GGT5: variants seen among roughly 807,000 people sequenced by gnomAD.
The protein encoded by GGT5 is glutathione hydrolase 5 proenzyme.
Under a neutral mutation model 58.1 loss-of-function variants are expected in GGT5, and 50 were observed. That is an observed-to-expected ratio of 0.86 (90% CI 0.69 to 1.09). GGT5 has a LOEUF of 1.09. GGT5 is among the 50% of genes least tolerant of loss of function. The pLI, the probability that GGT5 is intolerant of heterozygous loss-of-function variation, is 0.00. For missense variants in GGT5, 800 were observed against 789.4 expected (o/e 1.01, Z -0.16); for synonymous variants, 370 against 346.1 (o/e 1.07, Z -0.77).
chr22:24,224,095 G>A (rs1433925379), intron 11 of GGT5, among the ~76,000 whole-genome samples: 3 of 151,914 alleles, frequency 2.0e-5, no homozygotes, highest in Non-Finnish European at 4.4e-5. Context: ...CCTAACAAAG[G>A]GCATCCATCA....
chr22:24,244,317 C>CCA (rs1057246272), intron 1 of GGT5: 57 of 340,608 alleles, frequency 1.7e-4, no homozygotes, highest in Middle Eastern at 8.3e-4. Context: ...ACACACACAC[C>CCA]CACCCACACA....
Position 24,232,168 on chromosome 22 carries a change from C to T in GGT5, c.637G>A (p.Asp213Asn), listed in dbSNP as rs2148915088. The change falls in exon 5 of 12, where the codon GAC (aspartate) becomes AAC (asparagine). Residue 213 changes from aspartate (D) to asparagine (N), a missense_variant. By Grantham distance (23) the Asp-to-Asn change is conservative (BLOSUM62 1). Coordinates refer to ENST00000327365, the MANE Select transcript of GGT5 (RefSeq NM_004121.5). ...GCCAGTGCAGGCCATGGGAGTGGGT[C>T]CTGAGGCCTCAGGGGTTCTGTCCCG... ...FNGTEPLRPQ[D>N]PLPWPALATT... 6.3e-7 allele frequency: 1 copy of T among 1,579,360 alleles called. No homozygotes were observed. Among genetic ancestry groups the T allele is most frequent in the Non-Finnish European group, 8.6e-7 (1 of 1,161,188 alleles).
intron 1 of GGT5, chr22:24,244,317 C>A (rs80147431): frequency 0.023 from 7,809 of 335,788 alleles, 51 homozygotes; most frequent in Non-Finnish European, 0.026. Flanking sequence ...ACACACACAC[C>A]CACCCACACA....
Position 24,226,153 on chromosome 22 carries a change from G to C in GGT5, c.1152C>G (p.His384Gln). The C allele has an allele frequency of 1.2e-6, 2 of 1,611,144 alleles. No homozygotes were observed. Among genetic ancestry groups the C allele is most frequent in the South Asian group, 2.2e-5 (2 of 91,046 alleles). Residue 384 changes from histidine to glutamine, a missense_variant, in exon 8 of 12, where the codon CAC becomes CAG. Transcript: ENST00000327365. ...SHYSLAEAWGHGTGTSHVSVL... is the reference protein window; with the variant it reads ...SHYSLAEAWGQGTGTSHVSVL... ...CAGACACATGGGACGTGCCTGTCCCGTGGCCCCAGGCCTCGGCCAAGCTGT... is the reference window on the plus strand; with the variant it reads ...CAGACACATGGGACGTGCCTGTCCCCTGGCCCCAGGCCTCGGCCAAGCTGT...
intron 2 of GGT5, 114 bp from the exon 3 acceptor site, chr22:24,233,707 G>A (rs906307778): frequency 3.5e-6 from 3 of 852,540 alleles, no homozygotes; most frequent in African/African-American, 1.7e-5. Flanking sequence ...CTAACACAGG[G>A]ACAGGAGTTG....
Position 24,232,904 on chromosome 22 carries a change from C to T in GGT5, c.515G>A (p.Gly172Glu), listed in dbSNP as rs201113484. ...LFQPTIALLR[G>E]GHVVAPVLSR... ...GAGGACAGGGGCCACCACATGCCCCCCTCGGAGCAGCGCGATGGTGGGCTG... is the reference window on the plus strand; with the variant it reads ...GAGGACAGGGGCCACCACATGCCCCTCTCGGAGCAGCGCGATGGTGGGCTG... The change falls in exon 4 of 12, where the codon GGG becomes GAG. Residue 172 changes from glycine to glutamate, a missense_variant. By Grantham distance (98) the Gly-to-Glu change is moderately conservative. Coordinates refer to ENST00000327365, the MANE Select transcript of GGT5 (RefSeq NM_004121.5). 30 of 1,584,230 alleles carry T rather than the reference C, an allele frequency of 1.9e-5. No individual in the cohort carries two copies. In the Admixed American group the frequency reaches 5.0e-4, roughly 26 times the overall value.
Position 24,233,028 on chromosome 22 carries a change from A to G in GGT5, c.401-10T>C. 6.6e-7 allele frequency: 1 copy of G among 1,507,264 alleles called. No homozygotes were observed. Among genetic ancestry groups the G allele is most frequent in the South Asian group, 1.3e-5 (1 of 77,270 alleles). The allele number at this position is 1,507,264 out of a possible 1,614,324, so 93.4% of individuals were successfully genotyped here. ...CCGATCCACTGGGCCCCTGCATGGC[A>G]CATCCCAGCTCTCAACCCTGTGGCT... is the stretch of plus-strand genomic sequence containing the variant. On this transcript the variant is annotated splice_polypyrimidine_tract_variant and intron_variant, in intron 3 of 11. Transcript: ENST00000327365.
intron 6 of GGT5, among the ~76,000 whole-genome samples, chr22:24,229,267 TGTG>T (rs1452582573): frequency 1.4e-5 from 2 of 147,816 alleles, no homozygotes; most frequent in South Asian, 4.3e-4. Context: ...AAAAATTAGT[TGTG>T]GTGGCAGGCG....
chr22:24,224,040 G>A (rs1424367667), intron 11 of GGT5, among the ~76,000 whole-genome samples: 1 of 151,784 alleles, frequency 6.6e-6, no homozygotes, highest in Non-Finnish European at 1.5e-5. Context: ...TGGGATTACA[G>A]GCATGAGCCA....
chr22:24,237,927 G>A (rs1033941455), intron 1 of GGT5, among the ~76,000 whole-genome samples: 47 of 152,038 alleles, frequency 3.1e-4, no homozygotes, highest in African/African-American at 1.1e-3. Flanking sequence ...TCAAAGAACT[G>A]TCATCTATTA....
intron 1 of GGT5, among the ~76,000 whole-genome samples, chr22:24,237,318 C>T (rs2048127465): frequency 6.6e-6 from 1 of 152,120 alleles, no homozygotes; most frequent in Non-Finnish European, 1.5e-5. Context: ...CCCTCAGGAG[C>T]ACTGGATCCA....
rs1392124396 is a variant in GGT5, at chr22:24,225,310, C to T, written c.1438G>A (p.Ala480Thr). The change falls in exon 10 of 12, where the codon GCC (alanine) becomes ACC (threonine). Residue 480 changes from alanine to threonine, a missense_variant. By Grantham distance (58) the Ala-to-Thr change is moderately conservative (BLOSUM62 0). Coordinates refer to ENST00000327365, the MANE Select transcript of GGT5 (RefSeq NM_004121.5). Reference sequence around the variant, plus strand: ...CCAATCACTAGCTTCGACCCCTGGGCTTTGTTGATCAAGATGGAGGGCACC... The same window carrying T: ...CCAATCACTAGCTTCGACCCCTGGGTTTTGTTGATCAAGATGGAGGGCACC... ...SMVPSILINK[A>T]QGSKLVIGGA... 1 of 1,613,952 alleles carries T rather than the reference C, an allele frequency of 6.2e-7. No homozygotes were observed. The highest frequency in any genetic ancestry group is 1.3e-5 in the African/African-American group (1 of 74,920).
chr22:24,231,209 C>A (rs1286665239), intron 6 of GGT5, among the ~76,000 whole-genome samples, 175 bp downstream of exon 6: 1 of 152,204 alleles, frequency 6.6e-6, no homozygotes, highest in Non-Finnish European at 1.5e-5. Flanking sequence ...CTCTAAAACC[C>A]ACCATCCTGA....
chr22:24,228,085 A>G (rs899086885), intron 6 of GGT5, among the ~76,000 whole-genome samples: 1 of 146,686 alleles, frequency 6.8e-6, no homozygotes, highest in Non-Finnish European at 1.5e-5. Flanking sequence ...AAAAAAAAAA[A>G]CTCTGAAAAA....
At chr22:24,220,251 A>G in intron 11 of GGT5, 135 bp from the exon 12 acceptor site, 1 of 785,550 alleles carries the variant, frequency 1.3e-6, no homozygotes, top group Non-Finnish European at 2.0e-6. Context: ...ACACAGGAAG[A>G]GGGGAGGACC....
In GGT5 at chr22:24,245,082, C is replaced by G. The variant is rs1048716113; in HGVS notation, c.-357G>C. 4.2e-6 allele frequency: 1 copy of G among 240,220 alleles called. No homozygotes were observed. Among genetic ancestry groups the G allele is most frequent in the Admixed American group, 5.1e-5 (1 of 19,628 alleles). 14.9% of individuals were successfully genotyped at this position (240,220 alleles called of 1,614,324 possible). On this transcript the variant is annotated 5_prime_UTR_variant, in exon 1 of 12. Coordinates refer to ENST00000327365, the MANE Select transcript of GGT5 (RefSeq NM_004121.5). ...CACCAAGTGCACACTACGGAGTGGC[C>G]AAACTCACGCCTCAACTTCTGGTTT... is the stretch of plus-strand genomic sequence containing the variant.
rs1194800692 is a variant in GGT5, at chr22:24,233,974, C to T, written c.204G>A (p.Val68=). 6.2e-7 allele frequency: 1 copy of T among 1,613,028 alleles called. No individual in the cohort carries two copies. Among genetic ancestry groups the T allele is most frequent in the Non-Finnish European group, 8.5e-7 (1 of 1,179,630 alleles). Residue 68 remains valine, a synonymous_variant, in exon 2 of 12, where the codon GTG becomes GTA. Coordinates refer to ENST00000327365, the MANE Select transcript of GGT5 (RefSeq NM_004121.5). ...RAILQQQGSP[V]DATIAALVCT... ...AGACCAGAGCCGCGATGGTGGCATCCACGGGTGAGCCCTGCTGCTGGAGGA... is the reference window on the plus strand; with the variant it reads ...AGACCAGAGCCGCGATGGTGGCATCTACGGGTGAGCCCTGCTGCTGGAGGA...
intron 5 of GGT5, 92 bp from the exon 6 acceptor site, chr22:24,231,622 C>CAAGGCAAAAGCATGAGTGGAA: frequency 7.7e-7 from 1 of 1,306,978 alleles, no homozygotes; most frequent in Non-Finnish European, 1.1e-6. Context: ...TGGGATTCCA[C>CAAGGCAAAAGCATGAGTGGAA]TCATGCTTTT....
intron 11 of GGT5, among the ~76,000 whole-genome samples, chr22:24,222,940 G>C (rs547395793): frequency 5.5e-4 from 84 of 152,304 alleles, no homozygotes; most frequent in Non-Finnish European, 1.0e-3. Context: ...AGCCGAGCGT[G>C]GTGGTGGGTG....
Sources: gnomAD v4.1 joint callset for allele counts (sites outside exome capture counted in the v4.1 genomes callset) on GRCh38, gnomAD v4.1.1 for gene constraint, MANE v1.5 for transcripts, NCBI Gene and HGNC (gene_info 2026-07-23, HGNC 2026-07-21) for gene names.